The following AP3B2 variants were observed in gnomAD, a reference collection of about 807,000 sequenced individuals.
AP3B2 encodes AP-3 complex subunit beta-2.
Under a neutral mutation model 126.9 loss-of-function variants are expected in AP3B2, and 50 were observed. That is an observed-to-expected ratio of 0.39 (90% confidence interval 0.31 to 0.50). The LOEUF is 0.50. Ranked by LOEUF, AP3B2 falls within the 20% of genes least tolerant of loss-of-function variation. The pLI is 0.79. For missense variants in AP3B2, 1,177 were observed against 1,426.4 expected, an observed-to-expected ratio of 0.83 and a Z score of 2.82; for synonymous variants, 541 against 565.0, an observed-to-expected ratio of 0.96 and a Z score of 0.60.
chr15:82,707,170 C>G lies in AP3B2; in HGVS notation c.113+2424G>C, dbSNP rs530345332. On this transcript the variant is annotated intron_variant, in intron 1 of 26. Transcript: ENST00000535359. Reference sequence around the variant, plus strand: ...ATCACCCAAGCAGTTTCTCAGGCTCCTGGTATTCAGTGAAACCTTCATACC... The same window carrying G: ...ATCACCCAAGCAGTTTCTCAGGCTCGTGGTATTCAGTGAAACCTTCATACC... Among the ~76,000 whole-genome samples, 8 of 149,534 alleles carry G rather than the reference C, an allele frequency of 5.3e-5. No homozygotes were observed. In the East Asian group the frequency reaches 6.1e-4, roughly 11 times the overall value.
At chr15:82,689,110 G>C (rs775928830) in intron 3 of AP3B2, 48 bp downstream of exon 3, 2 of 1,595,622 alleles carry the variant, frequency 1.3e-6, no homozygotes, top group Admixed American at 3.3e-5. Flanking sequence ...CTTGAGTGTG[G>C]TCCTGGGGGA....
At chr15:82,675,579 TTTTATAA>T (rs1432239044) in intron 14 of AP3B2, among the ~76,000 whole-genome samples, 1 of 152,162 alleles carries the variant, frequency 6.6e-6, no homozygotes, top group East Asian at 1.9e-4. Flanking sequence ...GGCAGAGTCT[TTTTATAA>T]AAGGGCCAGA....
At chr15:82,676,923 C>A (rs2048251931) in intron 13 of AP3B2, among the ~76,000 whole-genome samples, 1 of 152,194 alleles carries the variant, frequency 6.6e-6, no homozygotes. Context: ...ACCCTCAGTA[C>A]TTTATTTCCA....
At chr15:82,689,526 A>G (rs925587592) in intron 1 of AP3B2, 73 bp from the exon 2 acceptor site, 20 of 1,453,608 alleles carry the variant, frequency 1.4e-5, no homozygotes, top group Non-Finnish European at 1.9e-5. Context: ...GGGTCCAGGC[A>G]CAAAGAAGGG....
intron 14 of AP3B2, among the ~76,000 whole-genome samples, chr15:82,668,962 TA>T (rs939138369): frequency 6.6e-5 from 10 of 152,106 alleles, no homozygotes; most frequent in African/African-American, 2.4e-4. Context: ...AACTGGCTGT[TA>T]AAAAAAATTG....
At chr15:82,701,730 A>G (rs367691767) in intron 1 of AP3B2, among the ~76,000 whole-genome samples, 84 of 152,364 alleles carry the variant, frequency 5.5e-4, no homozygotes, top group African/African-American at 2.0e-3. Context: ...GATGATATAC[A>G]TGTGTTCATT....
intron 1 of AP3B2, among the ~76,000 whole-genome samples, chr15:82,700,541 G>A (rs2048704972): frequency 6.6e-6 from 1 of 151,268 alleles, no homozygotes; most frequent in Non-Finnish European, 1.5e-5. Context: ...TGGGATTACA[G>A]GCATACACCA....
chr15:82,682,642 G>C (rs182479825), intron 4 of AP3B2, among the ~76,000 whole-genome samples: 44 of 152,088 alleles, frequency 2.9e-4, no homozygotes, highest in African/African-American at 1.1e-3. Flanking sequence ...CTTGAGCCCA[G>C]GGAGTTGGAG....
At chr15:82,674,017 G>A (rs532672079) in intron 14 of AP3B2, among the ~76,000 whole-genome samples, 5 of 151,904 alleles carry the variant, frequency 3.3e-5, no homozygotes, top group Non-Finnish European at 5.9e-5. Flanking sequence ...CCCATCCCCC[G>A]CCACCTGCAT....
intron 4 of AP3B2, chr15:82,685,409 A>T (rs1232259399): frequency 6.6e-6 from 1 of 152,250 alleles, no homozygotes; most frequent in Non-Finnish European, 1.5e-5. Context: ...ACGGGAATAG[A>T]ACACTAAAGA....
At position 82,706,071 on chromosome 15, in the gene AP3B2, A is replaced by AC. The variant is rs528190783; in HGVS notation, c.113+3522dup. On this transcript the variant is annotated intron_variant, in intron 1 of 26. Coordinates refer to ENST00000535359, the MANE Select transcript of AP3B2 (RefSeq NM_001278512.2). ...GCCCTGTAGCCTTTCTGTCCGAACA[A>AC]CTTGACCTTACTGTTTTGGCCTAGC... 5.3e-5 allele frequency among the ~76,000 whole-genome samples: 8 copies of AC among 152,156 alleles called. No homozygotes were observed. In the South Asian group the frequency reaches 6.2e-4, roughly 12 times the overall value.
chr15:82,691,102 T>G (rs151235107), intron 1 of AP3B2, among the ~76,000 whole-genome samples: 1 of 152,342 alleles, frequency 6.6e-6, no homozygotes, highest in East Asian at 1.9e-4. Context: ...TAGAATGATT[T>G]ACAATCCTTT....
intron 1 of AP3B2, among the ~76,000 whole-genome samples, chr15:82,694,961 T>C (rs1048934040): frequency 6.6e-6 from 1 of 152,180 alleles, no homozygotes; most frequent in Non-Finnish European, 1.5e-5. Context: ...TCCACCCAGT[T>C]CCTCACGCAG....
At chr15:82,668,196 T>A (rs1341231285) in intron 14 of AP3B2, among the ~76,000 whole-genome samples, 1 of 152,200 alleles carries the variant, frequency 6.6e-6, no homozygotes, top group Non-Finnish European at 1.5e-5. Context: ...CCACTATGAT[T>A]CCACATTCCT....
rs1379921786 is a variant in AP3B2, at chr15:82,663,027, A to T, written c.2604+100T>A. ...AGCAGCTGGGACTCAAAGCTATCAC[A>T]TCCTCCATCACACCCACCCCCCACA... is the stretch of plus-strand genomic sequence containing the variant. On this transcript the variant is annotated intron_variant, in intron 22 of 26. Coordinates refer to ENST00000535359, the MANE Select transcript of AP3B2 (RefSeq NM_001278512.2). 1.5e-5 allele frequency: 22 copies of T among 1,488,710 alleles called. No individual in the cohort carries two copies. In the African/African-American group the frequency reaches 2.9e-4, roughly 20 times the overall value. The allele number at this position is 1,488,710 out of a possible 1,614,324, so 92.2% of individuals were successfully genotyped here.
intron 12 of AP3B2, 121 bp from the exon 13 acceptor site, chr15:82,677,504 A>G (rs889155730): frequency 7.4e-7 from 1 of 1,354,556 alleles, no homozygotes; most frequent in Middle Eastern, 2.0e-4. Context: ...TCAGTTCTCT[A>G]GCAGCCCTCA....
chr15:82,673,166 A>C (rs189398093), intron 14 of AP3B2, among the ~76,000 whole-genome samples: 211 of 152,374 alleles, frequency 1.4e-3, no homozygotes, highest in African/African-American at 4.8e-3. Flanking sequence ...AAACTAATAC[A>C]ATTGATTTAA....
chr15:82,695,185 C>T (rs1213953349), intron 1 of AP3B2, among the ~76,000 whole-genome samples: 3 of 151,274 alleles, frequency 2.0e-5, no homozygotes, highest in South Asian at 2.1e-4. Context: ...CTGCAGCCTC[C>T]ACCTTCTGGG....
At chr15:82,709,527 G>C in intron 1 of AP3B2, 67 bp downstream of exon 1, 1 of 1,219,832 alleles carries the variant, frequency 8.2e-7, no homozygotes, top group Non-Finnish European at 1.1e-6. Flanking sequence ...GCTGTCCATG[G>C]TGCCCGCGCG....
Sources: allele counts gnomAD v4.1 joint callset (sites outside exome capture counted in the v4.1 genomes callset), GRCh38; gene constraint gnomAD v4.1.1; transcripts MANE v1.5; gene names NCBI Gene and HGNC (gene_info 2026-07-23, HGNC 2026-07-21).